NLK: variants seen among roughly 807,000 people sequenced by gnomAD.
NLK encodes the protein serine/threonine-protein kinase NLK.
A neutral mutation model predicts 59.0 loss-of-function variants in NLK; 11 were observed. The observed-to-expected ratio is 0.19, with a 90% CI of 0.12 to 0.31. NLK has a LOEUF of 0.31. Ranked by LOEUF, NLK falls within the 10% of genes least tolerant of loss-of-function variation. The pLI is 1.00. For missense variants in NLK, 410 were observed against 661.1 expected (o/e 0.62, Z 4.16); for synonymous variants, 235 against 235.9 (o/e 1.00, Z 0.03).
rs79263507 is a variant in NLK at position 28,190,998 on chromosome 17, G to T, written c.1237-23G>T. On this transcript the variant is annotated intron_variant, in intron 8 of 10. Transcript: ENST00000407008. ...GTCATTTTATCTGTAGTGTTGATGT[G>T]CTGGTCTCTAATTTGATTTCAGTCC... 1,641 of 1,542,782 alleles carry T rather than the reference G, an allele frequency of 1.1e-3. 19 individuals carry two copies. In the African/African-American group the frequency reaches 0.018, roughly 17 times the overall value.
At chr17:28,160,435 A>G (rs1338867387) in intron 3 of NLK, among the ~76,000 whole-genome samples, 1 of 152,142 alleles carries the variant, frequency 6.6e-6, no homozygotes, top group Non-Finnish European at 1.5e-5. Context: ...TTGCTTCCCT[A>G]ATGTATCTAA....
chr17:28,070,056 T>G (rs1390005424), intron 1 of NLK, among the ~76,000 whole-genome samples: 2 of 151,984 alleles, frequency 1.3e-5, no homozygotes, highest in Admixed American at 1.3e-4. Context: ...GCCAACATGG[T>G]GAAACCCTGT....
Position 28,042,758 on chromosome 17 carries a change from TGAA to T in NLK, c.-113_-111del, listed in dbSNP as rs1908893582. 1 of 937,536 alleles carries T rather than the reference TGAA, an allele frequency of 1.1e-6. No homozygotes were observed. The highest frequency in any genetic ancestry group is 1.7e-5 in the African/African-American group (1 of 60,302). 58.1% of individuals were successfully genotyped at this position (937,536 alleles called of 1,614,324 possible). A position where few individuals can be genotyped will look rare whatever the true frequency, so the allele number is the denominator to read the frequency against. On this transcript the variant is annotated 5_prime_UTR_variant, in exon 1 of 11. Coordinates refer to ENST00000407008, the MANE Select transcript of NLK (RefSeq NM_016231.5). ...CCTCTAACTTGTTTGGATTGACTGA[TGAA>T]GACATAAAGCTCTATGTTTTTTGAG...
chr17:28,132,752 A>G, intron 3 of NLK, 77 bp downstream of exon 3: 2 of 1,203,504 alleles, frequency 1.7e-6, no homozygotes, highest in Non-Finnish European at 2.4e-6. Flanking sequence ...TTTGGGGTTC[A>G]TGCCTTCAAG....
chr17:28,080,654 A>T (rs1910313475), intron 1 of NLK, among the ~76,000 whole-genome samples: 1 of 151,986 alleles, frequency 6.6e-6, no homozygotes, highest in Admixed American at 6.5e-5. Flanking sequence ...TAGCATTTGG[A>T]GGCATTGGAG....
intron 3 of NLK, among the ~76,000 whole-genome samples, chr17:28,140,890 G>A (rs187234214): frequency 6.6e-6 from 1 of 152,082 alleles, no homozygotes; most frequent in East Asian, 1.9e-4. Flanking sequence ...ATCAATTCGT[G>A]TAAGAACAGT....
Position 28,163,540 on chromosome 17 carries a change from C to T in NLK, c.752-3C>T. The T allele has an allele frequency of 6.4e-7, 1 of 1,563,038 alleles. No homozygotes were observed. The highest frequency in any genetic ancestry group is 8.8e-7 in the Non-Finnish European group (1 of 1,140,358). On this transcript the variant is annotated splice_polypyrimidine_tract_variant and splice_region_variant and intron_variant, in intron 4 of 10. Coordinates refer to ENST00000407008, the MANE Select transcript of NLK (RefSeq NM_016231.5). ...CTGCAATTAAATCTGTTTGTTATTT[C>T]AGGTTTGAAATATCTCCATTCAGCT...
At chr17:28,146,382 TTGATGA>T (rs10633971) in intron 3 of NLK, among the ~76,000 whole-genome samples, 3 of 150,588 alleles carry the variant, frequency 2.0e-5, no homozygotes, top group East Asian at 2.0e-4. Flanking sequence ...TATAACGATG[TTGATGA>T]TGATGATGAT....
At chr17:28,078,690 A>C (rs865877826) in intron 1 of NLK, among the ~76,000 whole-genome samples, 2 of 152,166 alleles carry the variant, frequency 1.3e-5, no homozygotes, top group African/African-American at 2.4e-5. Flanking sequence ...TGTGCCTAGT[A>C]CAGTGCCAGA....
chr17:28,200,103 G>A (rs766095706), downstream of NLK, among the ~76,000 whole-genome samples: 96 of 152,192 alleles, frequency 6.3e-4, no homozygotes, highest in Non-Finnish European at 1.3e-3. Flanking sequence ...CTTTCTGTCT[G>A]TAGCTGGTTT....
chr17:28,146,507 G>A (rs553658262), intron 3 of NLK, among the ~76,000 whole-genome samples: 5 of 152,170 alleles, frequency 3.3e-5, no homozygotes, highest in East Asian at 1.9e-4. Context: ...TGTGTAGTAG[G>A]TGTTCCTGTA....
At chr17:28,117,550 T>G (rs1905834276) in intron 1 of NLK, among the ~76,000 whole-genome samples, 1 of 152,222 alleles carries the variant, frequency 6.6e-6, no homozygotes, top group Non-Finnish European at 1.5e-5. Context: ...GTTTAAGTTC[T>G]TATTTAACTC....
At chr17:28,108,468 T>A (rs1905298844) in intron 1 of NLK, among the ~76,000 whole-genome samples, 1 of 152,196 alleles carries the variant, frequency 6.6e-6, no homozygotes, top group Non-Finnish European at 1.5e-5. Flanking sequence ...TTCAAATGAT[T>A]GTTATATATC....
chr17:28,148,927 T>C (rs1283581135), intron 3 of NLK, among the ~76,000 whole-genome samples: 1 of 152,216 alleles, frequency 6.6e-6, no homozygotes, highest in Non-Finnish European at 1.5e-5. Context: ...AGAGAAAAAT[T>C]AGTTATTTAG....
At chr17:28,159,789 T>C (rs965067108) in intron 3 of NLK, among the ~76,000 whole-genome samples, 7 of 152,180 alleles carry the variant, frequency 4.6e-5, no homozygotes, top group Admixed American at 3.9e-4. Flanking sequence ...AAAAAAATTA[T>C]CCTGGCTGCT....
Position 28,064,692 on chromosome 17 carries a change from C to T in NLK, c.458+21361C>T, listed in dbSNP as rs1909770564. On this transcript the variant is annotated intron_variant, in intron 1 of 10. Coordinates refer to ENST00000407008, the MANE Select transcript of NLK (RefSeq NM_016231.5). ...GGACTACAGGTATATGCCACTGGGC[C>T]TGGCTTAAACAAATCATTTTAAATG... is the stretch of plus-strand genomic sequence containing the variant. 3.3e-5 allele frequency among the ~76,000 whole-genome samples: 5 copies of T among 152,296 alleles called. No individual in the cohort carries two copies. The South Asian group carries it at 1.0e-3, about 32-fold the overall frequency.
intron 8 of NLK, among the ~76,000 whole-genome samples, chr17:28,185,478 CTTAT>C (rs1567740693): frequency 6.6e-6 from 1 of 152,112 alleles, no homozygotes; most frequent in Non-Finnish European, 1.5e-5. Context: ...GGAGCTGGAT[CTTAT>C]TTAACTCTTA....
intron 5 of NLK, among the ~76,000 whole-genome samples, 166 bp downstream of exon 5, chr17:28,163,794 C>A (rs1246483098): frequency 6.6e-6 from 1 of 152,140 alleles, no homozygotes; most frequent in African/African-American, 2.4e-5. Context: ...AATTTGTAGT[C>A]CTGCCTCATG....
chr17:28,094,669 A>G (rs933215326), intron 1 of NLK, among the ~76,000 whole-genome samples: 6 of 152,104 alleles, frequency 3.9e-5, no homozygotes, highest in Non-Finnish European at 7.4e-5. Context: ...GGTGGGGAGG[A>G]GAGACAAAAG....
Sources: gnomAD v4.1 joint callset for allele counts (sites outside exome capture counted in the v4.1 genomes callset) on GRCh38, gnomAD v4.1.1 for gene constraint, MANE v1.5 for transcripts, NCBI Gene and HGNC (gene_info 2026-07-23, HGNC 2026-07-21) for gene names.